Variants in GPHN observed in about 807,000 individuals in gnomAD.
The protein encoded by GPHN is gephyrin.
A neutral mutation model predicts 95.5 loss-of-function variants in GPHN; 17 were observed. That is an observed-to-expected ratio of 0.18 (90% CI 0.12 to 0.27). The LOEUF is 0.27. Among genes scored for constraint, GPHN ranks in the 10% least tolerant of loss-of-function variants. The probability of loss-of-function intolerance (pLI) is 1.00; values close to 1 mark genes in which losing one functional copy is unlikely to be tolerated. For missense variants in GPHN, 660 were observed against 978.1 expected, an observed-to-expected ratio of 0.67 and a Z score of 4.34; for synonymous variants, 320 against 322.5, an observed-to-expected ratio of 0.99 and a Z score of 0.08.
At chr14:66,565,879 G>A (rs1310512449) in intron 1 of GPHN, among the ~76,000 whole-genome samples, 1 of 151,890 alleles carries the variant, frequency 6.6e-6, no homozygotes, top group Non-Finnish European at 1.5e-5. Flanking sequence ...GTATGTACTG[G>A]AGACAGAGTT....
chr14:67,592,409 G>C, the GPHN span: 10 of 504,776 alleles, frequency 2.0e-5, no homozygotes, highest in Non-Finnish European at 3.6e-5. Flanking sequence ...CTGCACTCCA[G>C]CCTAGGTGAC....
the GPHN span, among the ~76,000 whole-genome samples, chr14:67,369,075 AATATTCCAGCT>A: frequency 6.6e-6 from 1 of 152,230 alleles, no homozygotes; most frequent in Non-Finnish European, 1.5e-5. Context: ...AAATCAAGTA[AATATTCCAGCT>A]AAAAGGCAGA....
intron 4 of GPHN, among the ~76,000 whole-genome samples, chr14:66,863,833 CT>C (rs1253672465): frequency 6.6e-6 from 1 of 152,098 alleles, no homozygotes; most frequent in Non-Finnish European, 1.5e-5. Context: ...AGATTAAAAA[CT>C]TAAATCTAAG....
intron 3 of GPHN, among the ~76,000 whole-genome samples, chr14:66,786,676 C>A (rs543664694): frequency 1.3e-5 from 2 of 151,936 alleles, no homozygotes; most frequent in Admixed American, 1.3e-4. Context: ...TTAAGTGCCA[C>A]GACAATTTGA....
chr14:67,590,409 C>T, the GPHN span, among the ~76,000 whole-genome samples: 4 of 152,118 alleles, frequency 2.6e-5, no homozygotes, highest in Admixed American at 6.5e-5. Flanking sequence ...CTCGCCACCA[C>T]GCCCAGTGGC....
the GPHN span, among the ~76,000 whole-genome samples, chr14:67,709,475 C>A: frequency 1.3e-5 from 2 of 152,162 alleles, no homozygotes; most frequent in Non-Finnish European, 2.9e-5. Flanking sequence ...TCAAGAAAAC[C>A]TTGTTAATCT....
chr14:67,695,887 A>ACT, the GPHN span: 1 of 602,088 alleles, frequency 1.7e-6, no homozygotes, highest in African/African-American at 1.9e-5. Flanking sequence ...CAACGCTGGC[A>ACT]GAAGTTGAAT....
intron 3 of GPHN, among the ~76,000 whole-genome samples, chr14:66,780,688 CAT>C (rs1238194919): frequency 6.6e-6 from 1 of 151,896 alleles, no homozygotes; most frequent in African/African-American, 2.4e-5. Context: ...AGGCCTGAGG[CAT>C]TAAAAAAATG....
chr14:67,015,397 T>C (rs1473113539), intron 9 of GPHN, among the ~76,000 whole-genome samples: 1 of 152,100 alleles, frequency 6.6e-6, no homozygotes, highest in African/African-American at 2.4e-5. Flanking sequence ...ATGTTGTACA[T>C]AGATTTAAAA....
the GPHN span, chr14:67,573,324 A>G: frequency 6.2e-7 from 1 of 1,613,846 alleles, no homozygotes; most frequent in Non-Finnish European, 8.5e-7. This position sits in a 1 kb window ranked among gnomAD's most constrained non-coding sequence, Gnocchi z 4.8. Context: ...GAGCCAGGTG[A>G]AGACGTGGAA....
In GPHN at chr14:67,002,712, G is replaced by A. The variant is rs183242235; in HGVS notation, c.964-20921G>A. 3.2e-3 allele frequency among the ~76,000 whole-genome samples: 483 copies of A among 151,546 alleles called. 2 individuals carry two copies. The highest frequency in any genetic ancestry group is 5.0e-3 in the Non-Finnish European group (340 of 67,548). Reference sequence around the variant, plus strand: ...GATACCACCTTTTGGGGTATCTTAAGTATTTAACAGCTTAATATTACTTGG... The same window carrying A: ...GATACCACCTTTTGGGGTATCTTAAATATTTAACAGCTTAATATTACTTGG... On this transcript the variant is annotated intron_variant, in intron 9 of 22. Coordinates refer to ENST00000478722, the MANE Select transcript of GPHN (RefSeq NM_020806.5).
intron 1 of GPHN, among the ~76,000 whole-genome samples, chr14:66,530,392 G>T (rs1300630460): frequency 6.6e-6 from 1 of 152,144 alleles, no homozygotes; most frequent in Non-Finnish European, 1.5e-5. Flanking sequence ...CTCCTTGGGG[G>T]TGGGTTCCCC....
chr14:67,005,521 A>T (rs2072539865), intron 9 of GPHN, among the ~76,000 whole-genome samples: 1 of 151,966 alleles, frequency 6.6e-6, no homozygotes, highest in Non-Finnish European at 1.5e-5. Flanking sequence ...TGAAAAATTC[A>T]ACTTGTATAG....
intron 1 of GPHN, among the ~76,000 whole-genome samples, chr14:66,633,103 TCAA>T (rs2063908938): frequency 6.6e-6 from 1 of 152,182 alleles, no homozygotes; most frequent in Non-Finnish European, 1.5e-5. Context: ...CTGTCTTCTG[TCAA>T]TATTAAATTT....
chr14:67,584,815 A>AT, the GPHN span, among the ~76,000 whole-genome samples: 1 of 151,996 alleles, frequency 6.6e-6, no homozygotes. Flanking sequence ...AATCGTATTC[A>AT]TTTTTTTCTC....
At chr14:67,268,521 T>C in the GPHN span, among the ~76,000 whole-genome samples, 4 of 152,162 alleles carry the variant, frequency 2.6e-5, no homozygotes, top group African/African-American at 9.7e-5. Context: ...AAGGGGTGGA[T>C]TCATGAATTT....
At chr14:67,712,424 G>A in the GPHN span, among the ~76,000 whole-genome samples, 1 of 142,316 alleles carries the variant, frequency 7.0e-6, no homozygotes, top group Admixed American at 7.7e-5. Flanking sequence ...AAAAATCCCA[G>A]AGTGGCCTCT....
chr14:67,186,013 C>T (rs2083366496), downstream of GPHN, among the ~76,000 whole-genome samples: 4 of 152,126 alleles, frequency 2.6e-5, no homozygotes, highest in Admixed American at 2.6e-4. Flanking sequence ...TATGTTGTTA[C>T]AGAATTCATC....
At chr14:67,450,835 G>A in the GPHN span, among the ~76,000 whole-genome samples, 6 of 152,208 alleles carry the variant, frequency 3.9e-5, no homozygotes, top group African/African-American at 1.2e-4. Context: ...CATAAGTAAC[G>A]AGGAGTTGAA....
Sources: allele counts gnomAD v4.1 joint callset (sites outside exome capture counted in the v4.1 genomes callset), GRCh38; gene constraint gnomAD v4.1.1; non-coding constraint Gnocchi (gnomAD v3.1); transcripts MANE v1.5; gene names NCBI Gene and HGNC (gene_info 2026-07-23, HGNC 2026-07-21).